BIN1: variants seen among roughly 807,000 people sequenced by gnomAD.
The protein encoded by BIN1 is bridging integrator 1.
BIN1 carries 53 observed loss-of-function variants against 82.0 expected under a neutral mutation model. That is an observed-to-expected ratio of 0.65 (90% confidence interval 0.52 to 0.81). The LOEUF (loss-of-function observed/expected upper bound fraction) is 0.81, where lower values mean the gene tolerates loss of function less well. Among genes scored for constraint, BIN1 ranks in the 40% least tolerant of loss-of-function variants. BIN1 has a pLI of 0.00. For synonymous variants in BIN1, 302 were observed against 328.0 expected (o/e 0.92, Z 0.86); for missense variants, 642 against 784.4 (o/e 0.82, Z 2.17).
At chr2:127,095,725 C>G (rs940696000) in intron 1 of BIN1, among the ~76,000 whole-genome samples, 4 of 152,226 alleles carry the variant, frequency 2.6e-5, no homozygotes, top group Non-Finnish European at 4.4e-5. Flanking sequence ...GTTTCTCCAG[C>G]CTCTGTTCTC....
chr2:127,062,417 C>A (rs963468865), intron 9 of BIN1, among the ~76,000 whole-genome samples: 1 of 152,252 alleles, frequency 6.6e-6, no homozygotes, highest in African/African-American at 2.4e-5. Context: ...CCTGCTGTCT[C>A]TGGAAGCCAT....
chr2:127,065,309 G>T (rs1685013726), intron 7 of BIN1, among the ~76,000 whole-genome samples: 1 of 152,140 alleles, frequency 6.6e-6, no homozygotes, highest in Admixed American at 6.5e-5. Flanking sequence ...GGGGAGCGGG[G>T]GGTGGGGAAG....
intron 9 of BIN1, among the ~76,000 whole-genome samples, chr2:127,062,805 G>T (rs115255114): frequency 0.048 from 7,344 of 152,110 alleles, 349 homozygotes; most frequent in South Asian, 0.16. Context: ...TAAACTTTTC[G>T]TAAGTTGTCT....
At chr2:127,066,873 C>G (rs1172159965) in intron 7 of BIN1, among the ~76,000 whole-genome samples, 1 of 152,156 alleles carries the variant, frequency 6.6e-6, no homozygotes, top group African/African-American at 2.4e-5. Context: ...GAGTTCAAGA[C>G]CAGCCTGGGC....
rs1573780565 is a variant in BIN1 at position 127,093,618 on chromosome 2, C to T, written c.84+13242G>A. Among the ~76,000 whole-genome samples, 1 of 152,224 alleles carries T rather than the reference C, an allele frequency of 6.6e-6. No homozygotes were observed. The highest frequency in any genetic ancestry group is 1.9e-4 in the East Asian group (1 of 5,196). On this transcript the variant is annotated intron_variant, in intron 1 of 18. Coordinates refer to ENST00000316724, the MANE Select transcript of BIN1 (RefSeq NM_139343.3). This position sits in a 1 kb window ranked among gnomAD's most constrained non-coding sequence, Gnocchi z 5.7. ...GTCTACACGGCTGTCCATTCCTCAC[C>T]AACTTATGTCTGAAAACAGACAGTT...
chr2:127,064,039 T>C, intron 7 of BIN1, 21 bp from the exon 8 acceptor site: 1 of 1,613,504 alleles, frequency 6.2e-7, no homozygotes, highest in Non-Finnish European at 8.5e-7. Flanking sequence ...GCACGGGTCA[T>C]TCCCCTCTGT....
intron 1 of BIN1, among the ~76,000 whole-genome samples, chr2:127,081,666 GGGCTCCTC>G (rs1046297775): frequency 8.5e-5 from 13 of 152,114 alleles, no homozygotes; most frequent in African/African-American, 3.1e-4. Context: ...AGAAAGCTAG[GGGCTCCTC>G]CACCAGCCAG....
At chr2:127,089,952 G>A (rs1452511801) in intron 1 of BIN1, among the ~76,000 whole-genome samples, 2 of 135,398 alleles carry the variant, frequency 1.5e-5, no homozygotes, top group Non-Finnish European at 3.1e-5. Flanking sequence ...GAAAGTTCCT[G>A]CAGTCTTCCC....
chr2:127,096,693 A>G (rs1245245690), intron 1 of BIN1, among the ~76,000 whole-genome samples: 1 of 152,106 alleles, frequency 6.6e-6, no homozygotes, highest in East Asian at 1.9e-4. Flanking sequence ...GACAGCTCAT[A>G]CCACTTCAGG....
chr2:127,091,657 G>A (rs997272530), intron 1 of BIN1, among the ~76,000 whole-genome samples: 1 of 152,174 alleles, frequency 6.6e-6, no homozygotes, highest in Non-Finnish European at 1.5e-5. Flanking sequence ...GGGAGGCCAA[G>A]GTGGGAGGAT....
At position 127,090,349 on chromosome 2, in the gene BIN1, C is replaced by T. The variant is rs926940276; in HGVS notation, c.85-13643G>A. On this transcript the variant is annotated intron_variant, in intron 1 of 18. Transcript: ENST00000316724. This position sits in a 1 kb window ranked among gnomAD's most constrained non-coding sequence, Gnocchi z 6.4. ...GCTACTACTCCACATCCCAGTGCCACCCCCGCAGGCAGGCAGCAAGGGCAT... is the reference window on the plus strand; with the variant it reads ...GCTACTACTCCACATCCCAGTGCCATCCCCGCAGGCAGGCAGCAAGGGCAT... Among the ~76,000 whole-genome samples, 16 of 152,332 alleles carry T rather than the reference C, an allele frequency of 1.1e-4. No homozygotes were observed. The highest frequency in any genetic ancestry group is 4.4e-5 in the Non-Finnish European group (3 of 68,022).
chr2:127,081,004 C>T (rs551078364), intron 1 of BIN1, among the ~76,000 whole-genome samples: 13 of 152,336 alleles, frequency 8.5e-5, no homozygotes, highest in African/African-American at 2.9e-4. Flanking sequence ...CCCTCCCCAG[C>T]CCTCCGCCAA....
chr2:127,089,748 CA>C (rs958059801), intron 1 of BIN1, among the ~76,000 whole-genome samples: 9 of 152,110 alleles, frequency 5.9e-5, no homozygotes, highest in Admixed American at 5.9e-4. Flanking sequence ...ACTGCTGGGG[CA>C]GAAGGTGCTG....
chr2:127,097,679 A>G (rs911997210), intron 1 of BIN1, among the ~76,000 whole-genome samples: 4 of 152,170 alleles, frequency 2.6e-5, no homozygotes, highest in African/African-American at 9.7e-5. Context: ...CCCGCAACCC[A>G]GGACAATTAA....
intron 2 of BIN1, among the ~76,000 whole-genome samples, chr2:127,074,864 G>A (rs952851943): frequency 6.6e-5 from 10 of 152,104 alleles, no homozygotes; most frequent in Non-Finnish European, 1.5e-4. Context: ...CACCACGCCT[G>A]GCTAATTTTT....
chr2:127,068,280 G>C lies in BIN1; in HGVS notation c.520-25C>G, dbSNP rs370802283. ...GCTGGGGTGGGGAGGTCAAGGCAAAGGAAGGTGGAGAGACCAGGGAGGTGG... is the reference window on the plus strand; with the variant it reads ...GCTGGGGTGGGGAGGTCAAGGCAAACGAAGGTGGAGAGACCAGGGAGGTGG... On this transcript the variant is annotated intron_variant, in intron 6 of 18. Transcript: ENST00000316724. This position sits in a 1 kb window ranked among gnomAD's most constrained non-coding sequence, Gnocchi z 4.9. 6.3e-7 allele frequency: 1 copy of C among 1,589,334 alleles called. No individual in the cohort carries two copies. The highest frequency in any genetic ancestry group is 8.6e-7 in the Non-Finnish European group (1 of 1,164,130).
chr2:127,079,651 T>C (rs960168968), intron 1 of BIN1, among the ~76,000 whole-genome samples: 11 of 152,244 alleles, frequency 7.2e-5, no homozygotes, highest in African/African-American at 2.2e-4. Context: ...TGCTATGTGA[T>C]GTGCCTGTGT....
chr2:127,062,050 A>C, intron 10 of BIN1, 65 bp downstream of exon 10: 1 of 1,534,152 alleles, frequency 6.5e-7, no homozygotes, highest in South Asian at 1.2e-5. Flanking sequence ...CAACAGGGTC[A>C]CAGGAAGGAG....
chr2:127,050,649 C>T (rs1238819740), intron 17 of BIN1, 127 bp from the exon 18 acceptor site: 1 of 1,336,722 alleles, frequency 7.5e-7, no homozygotes, highest in Non-Finnish European at 1.1e-6. Flanking sequence ...AGCAGCAGGA[C>T]AGTATGGGGC....
Sources: gnomAD v4.1 joint callset for allele counts (sites outside exome capture counted in the v4.1 genomes callset) on GRCh38, gnomAD v4.1.1 for gene constraint, Gnocchi (gnomAD v3.1) non-coding constraint, MANE v1.5 for transcripts, NCBI Gene and HGNC (gene_info 2026-07-23, HGNC 2026-07-21) for gene names.